Variants in AGPS observed in about 807,000 individuals in gnomAD.
AGPS encodes the protein alkyldihydroxyacetonephosphate synthase, peroxisomal.
In AGPS, 26 loss-of-function variants were observed where a neutral mutation model predicts 90.7. That is an observed-to-expected ratio of 0.29 (90% CI 0.21 to 0.40). The LOEUF (loss-of-function observed/expected upper bound fraction) is 0.40, where lower values mean the gene tolerates loss of function less well. AGPS is among the 10% of genes least tolerant of loss of function. The probability of loss-of-function intolerance (pLI) is 1.00; values close to 1 mark genes in which losing one functional copy is unlikely to be tolerated. For missense variants in AGPS, 540 were observed against 816.1 expected (o/e 0.66, Z 4.12); for synonymous variants, 294 against 285.3 (o/e 1.03, Z -0.31).
At chr2:177,535,173 A>G (rs2079172652) in intron 19 of AGPS, among the ~76,000 whole-genome samples, 3 of 152,306 alleles carry the variant, frequency 2.0e-5, no homozygotes, top group Admixed American at 2.0e-4. Flanking sequence ...AGGTCTAAAA[A>G]AGAAGAATAG....
At chr2:177,529,188 A>G (rs908981734) in intron 19 of AGPS, among the ~76,000 whole-genome samples, 2 of 152,112 alleles carry the variant, frequency 1.3e-5, no homozygotes, top group African/African-American at 4.8e-5. Context: ...GAACAGCAGT[A>G]GTTGGCTGTG....
intron 8 of AGPS, among the ~76,000 whole-genome samples, chr2:177,454,223 C>T: frequency 6.6e-6 from 1 of 151,858 alleles, no homozygotes; most frequent in Non-Finnish European, 1.5e-5. Context: ...ACTTATTAGG[C>T]TCTTTGAAGT....
In AGPS at chr2:177,440,041, G is replaced by C. The variant is rs78365464; in HGVS notation, c.638-924G>C. Among the ~76,000 whole-genome samples, 35 of 152,166 alleles carry C rather than the reference G, an allele frequency of 2.3e-4. 1 individual carries two copies. In the East Asian group the frequency reaches 6.8e-3, roughly 29 times the overall value. Reference sequence around the variant, plus strand: ...ATTTTGTGCAATATTGTAAACATTTGTTTAAACAATAAATCATCAATGGTG... The same window carrying C: ...ATTTTGTGCAATATTGTAAACATTTCTTTAAACAATAAATCATCAATGGTG... On this transcript the variant is annotated intron_variant, in intron 5 of 19. Coordinates refer to ENST00000264167, the MANE Select transcript of AGPS (RefSeq NM_003659.4).
chr2:177,462,990 T>C (rs1250276474), intron 9 of AGPS, among the ~76,000 whole-genome samples: 1 of 152,162 alleles, frequency 6.6e-6, no homozygotes, highest in Non-Finnish European at 1.5e-5. Context: ...GATGATTTCG[T>C]TTTTGCTACT....
chr2:177,407,606 G>T (rs183550462), intron 1 of AGPS, among the ~76,000 whole-genome samples: 1 of 152,126 alleles, frequency 6.6e-6, no homozygotes, highest in African/African-American at 2.4e-5. Flanking sequence ...AACCTTGAGG[G>T]ATCTGCCCCC....
intron 8 of AGPS, among the ~76,000 whole-genome samples, chr2:177,452,635 A>G (rs1409097941): frequency 6.6e-6 from 1 of 152,074 alleles, no homozygotes; most frequent in African/African-American, 2.4e-5. Context: ...GACAATCACT[A>G]CCTTTTCATT....
chr2:177,507,132 C>T lies in AGPS; in HGVS notation c.1546-838C>T, dbSNP rs188399088. Among the ~76,000 whole-genome samples, 350 of 151,962 alleles carry T rather than the reference C, an allele frequency of 2.3e-3. 2 individuals are homozygous for T. The highest frequency in any genetic ancestry group is 8.1e-3 in the African/African-American group (334 of 41,484). On this transcript the variant is annotated intron_variant, in intron 15 of 19. Coordinates refer to ENST00000264167, the MANE Select transcript of AGPS (RefSeq NM_003659.4). Reference sequence around the variant, plus strand: ...TATATTTTTACTGAATAAATGAGTGCATTAGAGAAAAACACATGCTTTAGA... The same window carrying T: ...TATATTTTTACTGAATAAATGAGTGTATTAGAGAAAAACACATGCTTTAGA...
chr2:177,435,380 A>C (rs1300092457), intron 3 of AGPS, among the ~76,000 whole-genome samples: 1 of 151,932 alleles, frequency 6.6e-6, no homozygotes, highest in Non-Finnish European at 1.5e-5. Flanking sequence ...TTATCTCTTA[A>C]ATTCTCTCTC....
chr2:177,502,595 A>ATG (rs950757394), intron 14 of AGPS, among the ~76,000 whole-genome samples: 17 of 150,294 alleles, frequency 1.1e-4, no homozygotes, highest in African/African-American at 3.9e-4. Flanking sequence ...TTTTGTGTGT[A>ATG]TGTGTGTGTG....
intron 10 of AGPS, among the ~76,000 whole-genome samples, chr2:177,471,956 A>AT (rs1388512326): frequency 1.3e-5 from 2 of 151,472 alleles, no homozygotes; most frequent in South Asian, 2.1e-4. Flanking sequence ...GGCCTTGAGG[A>AT]TTTTTTTTCT....
intron 3 of AGPS, among the ~76,000 whole-genome samples, chr2:177,435,208 T>C (rs954025932): frequency 1.3e-5 from 2 of 151,932 alleles, no homozygotes; most frequent in Admixed American, 6.6e-5. Flanking sequence ...TTATACAATA[T>C]TCTCCACTGT....
At chr2:177,466,717 G>A (rs1236191180) in intron 9 of AGPS, among the ~76,000 whole-genome samples, 2 of 152,240 alleles carry the variant, frequency 1.3e-5, no homozygotes, top group Non-Finnish European at 2.9e-5. Flanking sequence ...CAGCACGCAG[G>A]CTCGGCCTCA....
chr2:177,493,135 C>A lies in AGPS; in HGVS notation c.1234-13C>A. 1 of 1,588,978 alleles carries A rather than the reference C, an allele frequency of 6.3e-7. No individual in the cohort carries two copies. The stretch of plus-strand genomic sequence containing the variant: ...TTAAATTTGTATCACTTTTTTTTTT[C>A]TTTTTAAAACAGAGATGTGCTCCGG... On this transcript the variant is annotated splice_polypyrimidine_tract_variant and intron_variant, in intron 11 of 19. Transcript: ENST00000264167.
intron 16 of AGPS, among the ~76,000 whole-genome samples, chr2:177,510,320 T>A (rs1688833172): frequency 6.6e-6 from 1 of 152,130 alleles, no homozygotes; most frequent in South Asian, 2.1e-4. Context: ...CCCTCTCATA[T>A]CTTTTTATAA....
chr2:177,421,494 A>G (rs1685939646), intron 2 of AGPS, among the ~76,000 whole-genome samples: 1 of 152,032 alleles, frequency 6.6e-6, no homozygotes, highest in South Asian at 2.1e-4. Context: ...AAACCTCAGG[A>G]ATAGTAATTT....
At chr2:177,431,259 A>G (rs1003032831) in intron 2 of AGPS, among the ~76,000 whole-genome samples, 4 of 152,180 alleles carry the variant, frequency 2.6e-5, no homozygotes, top group Admixed American at 2.6e-4. Context: ...GGGGGTGTAC[A>G]AACAGGGAGT....
chr2:177,515,042 C>T (rs780227042), intron 17 of AGPS, among the ~76,000 whole-genome samples: 18 of 149,490 alleles, frequency 1.2e-4, no homozygotes, highest in Non-Finnish European at 2.2e-4. Flanking sequence ...GCTGGGCATT[C>T]GAGATATCTG....
chr2:177,521,416 C>T, intron 18 of AGPS, 48 bp downstream of exon 18: 3 of 1,432,354 alleles, frequency 2.1e-6, no homozygotes, highest in Non-Finnish European at 3.0e-6. Context: ...TGATTAATTT[C>T]AATAAATTTT....
At chr2:177,482,811 A>G (rs979727120) in intron 11 of AGPS, among the ~76,000 whole-genome samples, 1 of 152,070 alleles carries the variant, frequency 6.6e-6, no homozygotes, top group Non-Finnish European at 1.5e-5. Flanking sequence ...AGACAAGATA[A>G]TGCTAAGTAA....
Sources: allele counts gnomAD v4.1 joint callset (sites outside exome capture counted in the v4.1 genomes callset), GRCh38; gene constraint gnomAD v4.1.1; transcripts MANE v1.5; gene names NCBI Gene and HGNC (gene_info 2026-07-23, HGNC 2026-07-21).